MARCHF1: variants seen among roughly 807,000 people sequenced by gnomAD.
MARCHF1 encodes membrane associated ring-CH-type finger 1.
MARCHF1 carries 40 observed loss-of-function variants against 54.2 expected under a neutral mutation model. The observed-to-expected ratio is 0.74, with a 90% CI of 0.57 to 0.96. MARCHF1 has a LOEUF of 0.96. MARCHF1 is among the 40% of genes least tolerant of loss of function. MARCHF1 has a pLI of 0.00. For missense variants in MARCHF1, 586 were observed against 656.5 expected, an observed-to-expected ratio of 0.89 and a Z score of 1.17; for synonymous variants, 236 against 236.3, an observed-to-expected ratio of 1.00 and a Z score of 0.01.
intron 1 of MARCHF1, among the ~76,000 whole-genome samples, chr4:164,211,056 A>T (rs1731750519): frequency 1.3e-5 from 2 of 152,004 alleles, no homozygotes; most frequent in Admixed American, 1.3e-4. Context: ...GACTAGGAAC[A>T]TGGGGAGTAT....
downstream of MARCHF1, chr4:163,524,499 T>C (rs913375644): frequency 1.3e-5 from 2 of 152,232 alleles, no homozygotes; most frequent in African/African-American, 4.8e-5. Flanking sequence ...TTGAACTCTT[T>C]TTTTAAAGCA....
At chr4:163,585,950 C>G in intron 7 of MARCHF1, 21 bp from the exon 8 acceptor site, 1 of 1,587,930 alleles carries the variant, frequency 6.3e-7, no homozygotes. Flanking sequence ...ACACAGCAGC[C>G]AGTATGAGAT....
At chr4:164,081,032 C>A (rs1202064059) in intron 2 of MARCHF1, among the ~76,000 whole-genome samples, 11 of 148,694 alleles carry the variant, frequency 7.4e-5, no homozygotes, top group Non-Finnish European at 1.3e-4. Flanking sequence ...CACAGTGAAA[C>A]CCCGTGTCTA....
intron 2 of MARCHF1, among the ~76,000 whole-genome samples, chr4:164,019,241 G>C (rs558564418): frequency 6.6e-6 from 1 of 152,094 alleles, no homozygotes; most frequent in Non-Finnish European, 1.5e-5. Flanking sequence ...CTTCAATTGC[G>C]CTAGGTCTCT....
rs374683478 is a variant in MARCHF1, at chr4:164,026,384, C to T, written c.-247-37675G>A. ...AGTGGCACACTAAAAAGTTAATACACCACAATCAGGTAAACTTGCTTCCTG... is the reference window on the plus strand; with the variant it reads ...AGTGGCACACTAAAAAGTTAATACATCACAATCAGGTAAACTTGCTTCCTG... On this transcript the variant is annotated intron_variant, in intron 2 of 9. Coordinates refer to ENST00000514618, the MANE Select transcript of MARCHF1 (RefSeq NM_001394959.1). Among the ~76,000 whole-genome samples the T allele has an allele frequency of 6.6e-5, 10 of 152,242 alleles. 1 individual carries two copies. The highest frequency in any genetic ancestry group is 2.2e-4 in the African/African-American group (9 of 41,556).
At chr4:164,203,875 TG>T (rs1254606746) in intron 1 of MARCHF1, among the ~76,000 whole-genome samples, 4 of 152,194 alleles carry the variant, frequency 2.6e-5, no homozygotes, top group African/African-American at 9.6e-5. Flanking sequence ...GGGAAGTAAC[TG>T]GGTTACAATT....
intron 5 of MARCHF1, among the ~76,000 whole-genome samples, chr4:163,663,160 T>C (rs561174406): frequency 6.6e-6 from 1 of 152,100 alleles, no homozygotes; most frequent in African/African-American, 2.4e-5. Context: ...TCTCTCTGTG[T>C]GGATAGTTGG....
At chr4:163,670,997 T>C (rs1197965696) in intron 5 of MARCHF1, among the ~76,000 whole-genome samples, 4 of 152,234 alleles carry the variant, frequency 2.6e-5, no homozygotes, top group Non-Finnish European at 5.9e-5. Flanking sequence ...ATGAAATTCA[T>C]TGATTTCACC....
chr4:163,889,927 T>C (rs1196263571), intron 3 of MARCHF1, among the ~76,000 whole-genome samples: 1 of 43,994 alleles, frequency 2.3e-5, no homozygotes, highest in Non-Finnish European at 4.3e-5. Context: ...TTCTTTTTTC[T>C]TTTTTTTTTT....
At chr4:164,101,151 G>A (rs2111157512) in intron 2 of MARCHF1, among the ~76,000 whole-genome samples, 1 of 152,322 alleles carries the variant, frequency 6.6e-6, no homozygotes, top group Admixed American at 6.5e-5. Context: ...ACGGCAGTCT[G>A]AGATCAAACT....
At chr4:164,200,288 T>G (rs1731418273) in intron 1 of MARCHF1, among the ~76,000 whole-genome samples, 1 of 152,220 alleles carries the variant, frequency 6.6e-6, no homozygotes, top group African/African-American at 2.4e-5. Context: ...CATTAAATAG[T>G]CATTTTGAGC....
At chr4:163,848,686 T>C (rs1025392498) in intron 4 of MARCHF1, among the ~76,000 whole-genome samples, 12 of 151,584 alleles carry the variant, frequency 7.9e-5, no homozygotes, top group African/African-American at 2.9e-4. Context: ...GTTTCTCCCC[T>C]GGCTGTCATA....
chr4:164,017,991 C>G (rs1753580794), intron 2 of MARCHF1, among the ~76,000 whole-genome samples: 1 of 151,880 alleles, frequency 6.6e-6, no homozygotes, highest in Non-Finnish European at 1.5e-5. Context: ...TTTTGGAATA[C>G]TTTCCACACA....
chr4:164,348,249 T>C (rs116046115), intron 1 of MARCHF1, among the ~76,000 whole-genome samples: 175 of 152,218 alleles, frequency 1.1e-3, no homozygotes, highest in African/African-American at 4.1e-3. Flanking sequence ...CCATAGTGCA[T>C]TTTAGCCAAT....
intron 2 of MARCHF1, among the ~76,000 whole-genome samples, chr4:163,994,290 G>A (rs947758120): frequency 6.6e-6 from 1 of 151,262 alleles, no homozygotes; most frequent in Non-Finnish European, 1.5e-5. Context: ...GTGTGTGTGT[G>A]TGTGTGTGTG....
intron 1 of MARCHF1, among the ~76,000 whole-genome samples, chr4:164,332,984 T>C (rs1199421893): frequency 6.6e-6 from 1 of 152,148 alleles, no homozygotes; most frequent in Non-Finnish European, 1.5e-5. Flanking sequence ...TATGGTATTG[T>C]TCAATTGTTC....
At chr4:164,013,289 C>T (rs1451136122) in intron 2 of MARCHF1, among the ~76,000 whole-genome samples, 1 of 151,860 alleles carries the variant, frequency 6.6e-6, no homozygotes, top group African/African-American at 2.4e-5. Context: ...AACTGCAGCA[C>T]TGATCAAGCA....
At chr4:163,838,006 G>T (rs1023941898) in intron 4 of MARCHF1, among the ~76,000 whole-genome samples, 15 of 152,078 alleles carry the variant, frequency 9.9e-5, no homozygotes, top group African/African-American at 3.6e-4. Context: ...TCTAAGATGG[G>T]TCAAAAAATC....
chr4:163,632,086 C>T (rs1416841783), intron 5 of MARCHF1, among the ~76,000 whole-genome samples: 1 of 152,136 alleles, frequency 6.6e-6, no homozygotes, highest in African/African-American at 2.4e-5. Flanking sequence ...CAGAAAATAA[C>T]AAGTCTTGGT....
Sources: gnomAD v4.1 joint callset for allele counts (sites outside exome capture counted in the v4.1 genomes callset) on GRCh38, gnomAD v4.1.1 for gene constraint, MANE v1.5 for transcripts, NCBI Gene and HGNC (gene_info 2026-07-23, HGNC 2026-07-21) for gene names.